Variants in UBXN6 observed in about 807,000 individuals in gnomAD.
UBXN6 encodes the protein UBX domain-containing protein 6.
UBXN6 carries 44 observed loss-of-function variants against 51.4 expected under a neutral mutation model. The observed-to-expected ratio is 0.86, with a 90% CI of 0.67 to 1.10. UBXN6 has a LOEUF of 1.10. Ranked by LOEUF, UBXN6 falls within the 50% of genes least tolerant of loss-of-function variation. The probability of loss-of-function intolerance (pLI) is 0.00; values close to 1 mark genes in which losing one functional copy is unlikely to be tolerated. For missense variants in UBXN6, 672 were observed against 596.1 expected, an observed-to-expected ratio of 1.13 and a Z score of -1.32; for synonymous variants, 316 against 263.2, an observed-to-expected ratio of 1.20 and a Z score of -1.94.
intron 4 of UBXN6, among the ~76,000 whole-genome samples, chr19:4,451,256 T>C (rs1974649206): frequency 6.6e-6 from 1 of 152,024 alleles, no homozygotes; most frequent in Admixed American, 6.6e-5. Flanking sequence ...GGGGTTTCAC[T>C]ATGTTGACCA....
Position 4,453,505 on chromosome 19 carries a change from C to G in UBXN6, c.265G>C (p.Ala89Pro). 1 of 1,613,840 alleles carries G rather than the reference C, an allele frequency of 6.2e-7. No homozygotes were observed. Among genetic ancestry groups the G allele is most frequent in the South Asian group, 1.1e-5 (1 of 91,004 alleles). Reference sequence around the variant, plus strand: ...GGGCTCCCGCTGACGGTGGCTTCGGCTTGAAGTTCCTTTCTCACTGGAAGG... The same window carrying G: ...GGGCTCCCGCTGACGGTGGCTTCGGGTTGAAGTTCCTTTCTCACTGGAAGG... Reference protein sequence around the residue: ...IRNQVRKELQAEATVSGSPEA... With the variant: ...IRNQVRKELQPEATVSGSPEA... The change falls in exon 3 of 11, where the codon GCC becomes CCC. Residue 89 changes from alanine to proline, a missense_variant. By Grantham distance (27) the Ala-to-Pro change is conservative (BLOSUM62 -1). Transcript: ENST00000301281.
chr19:4,456,266 C>T (rs1974738422), intron 1 of UBXN6, among the ~76,000 whole-genome samples: 2 of 145,748 alleles, frequency 1.4e-5, no homozygotes, highest in Admixed American at 1.4e-4. Flanking sequence ...CCCGATTTGC[C>T]CCCTTCTCTC....
At chr19:4,447,298 C>A in intron 6 of UBXN6, 1 of 576,344 alleles carries the variant, frequency 1.7e-6, no homozygotes, top group Non-Finnish European at 3.1e-6. Flanking sequence ...CCAAACAAGC[C>A]CAGCTGAAGA....
At chr19:4,447,915 A>G (rs1974571614) in intron 5 of UBXN6, 3 of 506,444 alleles carry the variant, frequency 5.9e-6, no homozygotes, top group Admixed American at 3.2e-5. Context: ...CAGTGCCGGA[A>G]GAGTGGAGAG....
In UBXN6 at chr19:4,446,686, G is replaced by C. The variant is rs200629893; in HGVS notation, c.734C>G (p.Thr245Ser). The C allele has an allele frequency of 4.9e-5, 79 of 1,611,248 alleles. No homozygotes were observed. Among genetic ancestry groups the C allele is most frequent in the Non-Finnish European group, 6.6e-5 (78 of 1,178,598 alleles). Residue 245 changes from threonine to serine, a missense_variant, in exon 8 of 11, where the codon ACC (threonine) becomes AGC (serine). By Grantham distance (58) the Thr-to-Ser change is moderately conservative. Transcript: ENST00000301281. The part of the protein sequence containing the change: ...DPEEFYVLSE[T>S]TLAQPQSLER... ...CAGGCTCTGGGGCTGGGCCAAGGTGGTCTCGCTCAGCACGTAGAACTCCTC... is the reference window on the plus strand; with the variant it reads ...CAGGCTCTGGGGCTGGGCCAAGGTGCTCTCGCTCAGCACGTAGAACTCCTC...
At chr19:4,455,259 C>T (rs1253449449) in intron 1 of UBXN6, 1 of 985,338 alleles carries the variant, frequency 1.0e-6, no homozygotes. Flanking sequence ...CTATTAAAAC[C>T]TTCTGGGAGG....
intron 10 of UBXN6, 188 bp from the exon 11 acceptor site, chr19:4,445,811 T>C: frequency 9.1e-7 from 1 of 1,094,248 alleles, no homozygotes; most frequent in Non-Finnish European, 1.3e-6. Context: ...CTAAACCTAC[T>C]GCACTAGCTA....
rs763974738 is a variant in UBXN6, at chr19:4,445,512, C to G, written c.1312G>C (p.Glu438Gln). The G allele has an allele frequency of 6.2e-7, 1 of 1,613,804 alleles. No homozygotes were observed. The highest frequency in any genetic ancestry group is 1.3e-5 in the African/African-American group (1 of 74,940). The change falls in exon 11 of 11, where the codon GAG becomes CAG. Residue 438 changes from glutamate to glutamine, a missense_variant. Glu to Gln is a conservative substitution (Grantham distance 29). Coordinates refer to ENST00000301281, the MANE Select transcript of UBXN6 (RefSeq NM_025241.3). ...CTGCTTTTATTTCACAAGAGCTTCT[C>G]GATGGCTGACAGGAGCTCGGGTTTC... Reference protein sequence around the residue: ...ILKPELLSAIEKLL With the variant: ...ILKPELLSAIQKLL
Position 4,446,040 on chromosome 19 carries a change from G to A in UBXN6, c.1200+9C>T, listed in dbSNP as rs923800379. 18 of 1,606,002 alleles carry A rather than the reference G, an allele frequency of 1.1e-5. No individual in the cohort carries two copies. Among genetic ancestry groups the A allele is most frequent in the Middle Eastern group, 1.7e-4 (1 of 6,048 alleles). On this transcript the variant is annotated intron_variant, in intron 10 of 10. Coordinates refer to ENST00000301281, the MANE Select transcript of UBXN6 (RefSeq NM_025241.3). The stretch of plus-strand genomic sequence containing the variant: ...CGGGTCAGCGGTGCTCCTGCGGGCC[G>A]ACACTCACCAGCCCGCACTCGTTCA...
In UBXN6 at chr19:4,446,911, T is replaced by A; in HGVS notation, c.625A>T (p.Asn209Tyr). 6.2e-7 allele frequency: 1 copy of A among 1,613,882 alleles called. No individual in the cohort carries two copies. Among genetic ancestry groups the A allele is most frequent in the African/African-American group, 1.3e-5 (1 of 75,042 alleles). The change falls in exon 7 of 11, where the codon AAC becomes TAC. Residue 209 changes from asparagine to tyrosine, a missense_variant. Transcript: ENST00000301281. ...AACTCGTGGGTCCCTTCCAGGCAGTTAATGCGCTCCTGGGGGTGGAGATGG... is the reference window on the plus strand; with the variant it reads ...AACTCGTGGGTCCCTTCCAGGCAGTAAATGCGCTCCTGGGGGTGGAGATGG... ...LQNKVFQERI[N>Y]CLEGTHEFFE...
intron 3 of UBXN6, among the ~76,000 whole-genome samples, 169 bp from the exon 4 acceptor site, chr19:4,452,661 C>G (rs558063845): frequency 6.6e-6 from 1 of 152,202 alleles, no homozygotes; most frequent in Non-Finnish European, 1.5e-5. Flanking sequence ...ACCGGATCCC[C>G]GAGTCTTTTC....
chr19:4,448,480 C>A, intron 4 of UBXN6, 65 bp from the exon 5 acceptor site: 1 of 1,330,002 alleles, frequency 7.5e-7, no homozygotes, highest in Non-Finnish European at 1.1e-6. Flanking sequence ...CTCCGCTGCC[C>A]AGGTAACAGG....
chr19:4,445,718 C>A, intron 10 of UBXN6, 95 bp from the exon 11 acceptor site: 1 of 1,535,976 alleles, frequency 6.5e-7, no homozygotes, highest in Non-Finnish European at 8.7e-7. Context: ...GATGCCCCGG[C>A]CTGGAAGCCA....
chr19:4,453,541 AAGAG>A lies in UBXN6; in HGVS notation c.248-23_248-20del. On this transcript the variant is annotated intron_variant, in intron 2 of 10. Transcript: ENST00000301281. ...TTTCTCACTGGAAGGCAGCCCAAGAAAGAGAGGCAGAGACGGGATAGTGAGCACG... is the reference window on the plus strand; with the variant it reads ...TTTCTCACTGGAAGGCAGCCCAAGAAAGGCAGAGACGGGATAGTGAGCACG... 1 of 1,612,614 alleles carries A rather than the reference AAGAG, an allele frequency of 6.2e-7. No homozygotes were observed. The highest frequency in any genetic ancestry group is 8.5e-7 in the Non-Finnish European group (1 of 1,179,582).
At chr19:4,453,607 G>T (rs1466201932) in intron 2 of UBXN6, 85 bp from the exon 3 acceptor site, 15 of 1,504,196 alleles carry the variant, frequency 1.0e-5, no homozygotes, top group African/African-American at 1.4e-5. Flanking sequence ...TTCCCGGGGT[G>T]GGCCTGGGGG....
At position 4,446,929 on chromosome 19, in the gene UBXN6, G is replaced by GGA; in HGVS notation, c.616-11_616-10dup. 1 of 1,613,412 alleles carries GGA rather than the reference G, an allele frequency of 6.2e-7. No individual in the cohort carries two copies. Among genetic ancestry groups the GGA allele is most frequent in the South Asian group, 1.1e-5 (1 of 91,042 alleles). On this transcript the variant is annotated splice_polypyrimidine_tract_variant and intron_variant, in intron 6 of 10. Transcript: ENST00000301281. The stretch of plus-strand genomic sequence containing the variant: ...AGGCAGTTAATGCGCTCCTGGGGGT[G>GGA]GAGATGGGCGTCACTGGGGGCCCCT...
chr19:4,457,543 C>T (rs2145192593), intron 1 of UBXN6, 72 bp downstream of exon 1: 4 of 1,437,386 alleles, frequency 2.8e-6, no homozygotes, highest in Admixed American at 2.0e-5. Context: ...CCCGAGCCGC[C>T]CAAGGCCCCA....
chr19:4,447,430 G>T, intron 6 of UBXN6, 120 bp downstream of exon 6: 1 of 1,077,974 alleles, frequency 9.3e-7, no homozygotes, highest in South Asian at 1.3e-5. Context: ...CACTGCTTGT[G>T]GCTCAACTCT....
At chr19:4,447,422 C>G in intron 6 of UBXN6, 128 bp downstream of exon 6, 1 of 1,005,344 alleles carries the variant, frequency 9.9e-7, no homozygotes, top group Non-Finnish European at 1.5e-6. Flanking sequence ...GAACCCTTCA[C>G]TGCTTGTGGC....
Sources: allele counts gnomAD v4.1 joint callset (sites outside exome capture counted in the v4.1 genomes callset), GRCh38; gene constraint gnomAD v4.1.1; transcripts MANE v1.5; gene names NCBI Gene and HGNC (gene_info 2026-07-23, HGNC 2026-07-21).